Variants in RPTOR observed in about 807,000 individuals in gnomAD.
RPTOR encodes regulatory associated protein of MTOR complex 1.
Under a neutral mutation model 169.9 loss-of-function variants are expected in RPTOR, and 21 were observed. The ratio of observed to expected loss-of-function variants is 0.12; its 90% confidence interval spans 0.09 to 0.18. RPTOR has a LOEUF of 0.18. RPTOR is among the 10% of genes least tolerant of loss of function. The pLI is 1.00. For missense variants in RPTOR, 1,133 were observed against 1,855.9 expected, an observed-to-expected ratio of 0.61 and a Z score of 7.16; for synonymous variants, 732 against 753.2, an observed-to-expected ratio of 0.97 and a Z score of 0.46.
intron 5 of RPTOR, among the ~76,000 whole-genome samples, chr17:80,745,288 T>G (rs945071794): frequency 6.6e-6 from 1 of 152,138 alleles, no homozygotes; most frequent in Admixed American, 6.5e-5. Context: ...ATGCTTCATT[T>G]GGGGGAACTC....
At chr17:80,766,791 T>TA (rs1226402692) in intron 6 of RPTOR, among the ~76,000 whole-genome samples, 1 of 152,090 alleles carries the variant, frequency 6.6e-6, no homozygotes, top group Admixed American at 6.5e-5. Flanking sequence ...AGTTTTTAAT[T>TA]AAAAAACTCT....
rs754331925 is a variant in RPTOR at position 80,646,844 on chromosome 17, G to C, written c.348+3034G>C. ...ATTATTTTCATTAAAGTTTGTCGGA[G>C]TCGTTGCCTCCACGCTGGCATGGAT... On this transcript the variant is annotated intron_variant, in intron 3 of 33. Transcript: ENST00000306801. This position sits in a 1 kb window ranked among gnomAD's most constrained non-coding sequence, Gnocchi z 5.0. Among the ~76,000 whole-genome samples the C allele has an allele frequency of 5.9e-5, 9 of 152,150 alleles. No individual in the cohort carries two copies. Among genetic ancestry groups the C allele is most frequent in the Non-Finnish European group, 1.0e-4 (7 of 68,030 alleles).
rs1208698407 is a variant in RPTOR, at chr17:80,721,672, G to T, written c.508-8888G>T. Among the ~76,000 whole-genome samples, 1 of 151,316 alleles carries T rather than the reference G, an allele frequency of 6.6e-6. No individual in the cohort carries two copies. The highest frequency in any genetic ancestry group is 2.5e-5 in the African/African-American group (1 of 40,622). Reference sequence around the variant, plus strand: ...CAGGGTACTCGGGCTTATTTTGGTAGTCATACACATGAAATGCACTTTGGG... The same window carrying T: ...CAGGGTACTCGGGCTTATTTTGGTATTCATACACATGAAATGCACTTTGGG... On this transcript the variant is annotated intron_variant, in intron 4 of 33. Coordinates refer to ENST00000306801, the MANE Select transcript of RPTOR (RefSeq NM_020761.3). The surrounding 1 kb of genome is among the most constrained non-coding windows in gnomAD (Gnocchi z 4.7).
intron 4 of RPTOR, chr17:80,709,126 G>C (rs1418031688): frequency 1.0e-6 from 1 of 983,572 alleles, no homozygotes; most frequent in Non-Finnish European, 1.2e-6. Context: ...TATCCACCCA[G>C]CTCCTCCCGC....
intron 6 of RPTOR, among the ~76,000 whole-genome samples, chr17:80,779,200 C>G (rs1238031177): frequency 6.6e-6 from 1 of 152,180 alleles, no homozygotes. Flanking sequence ...TGTGTGCGCC[C>G]GTAAGCTGGC....
chr17:80,949,392 G>C, intron 27 of RPTOR, 51 bp from the exon 28 acceptor site: 1 of 1,458,748 alleles, frequency 6.9e-7, no homozygotes, highest in South Asian at 1.1e-5. Flanking sequence ...CAGAGCACAG[G>C]CCAGGCCATC....
intron 25 of RPTOR, among the ~76,000 whole-genome samples, chr17:80,944,939 C>G (rs2069080497): frequency 1.4e-5 from 2 of 145,750 alleles, no homozygotes; most frequent in Admixed American, 7.0e-5. Context: ...GGCAGTGAGC[C>G]AAGATCACAC....
chr17:80,849,099 A>C (rs1162980059), intron 11 of RPTOR, among the ~76,000 whole-genome samples: 2 of 151,846 alleles, frequency 1.3e-5, no homozygotes, highest in Admixed American at 1.3e-4. Flanking sequence ...CATTTGACGT[A>C]CCCCCCGGGA....
chr17:80,829,899 C>T (rs969056519), intron 9 of RPTOR, among the ~76,000 whole-genome samples: 1 of 152,206 alleles, frequency 6.6e-6, no homozygotes, highest in East Asian at 1.9e-4. Context: ...GAATCACTTG[C>T]ATTTTACACA....
At chr17:80,859,080 G>A (rs1330774424) in intron 13 of RPTOR, among the ~76,000 whole-genome samples, 1 of 152,182 alleles carries the variant, frequency 6.6e-6, no homozygotes, top group Non-Finnish European at 1.5e-5. Flanking sequence ...AGGCGACTCG[G>A]GCTGAAGCCT....
chr17:80,691,626 T>C (rs2143742149), intron 3 of RPTOR, among the ~76,000 whole-genome samples: 1 of 152,300 alleles, frequency 6.6e-6, no homozygotes, highest in South Asian at 2.1e-4. Flanking sequence ...TGCTTCATTT[T>C]GATATGGTAT....
At chr17:80,888,280 A>T (rs2068273336) in intron 17 of RPTOR, among the ~76,000 whole-genome samples, 1 of 151,920 alleles carries the variant, frequency 6.6e-6, no homozygotes, top group Non-Finnish European at 1.5e-5. Context: ...ATGCTGGGCT[A>T]ATTTTTGTAT....
At chr17:80,661,345 C>G (rs966157445) in intron 3 of RPTOR, among the ~76,000 whole-genome samples, 1 of 151,906 alleles carries the variant, frequency 6.6e-6, no homozygotes, top group Non-Finnish European at 1.5e-5. Context: ...ATTGCAGAGT[C>G]GGAGCCGGAG....
At chr17:80,781,164 C>G (rs2143455814) in intron 6 of RPTOR, among the ~76,000 whole-genome samples, 1 of 152,294 alleles carries the variant, frequency 6.6e-6, no homozygotes, top group Non-Finnish European at 1.5e-5. Flanking sequence ...TTTCTCAGAT[C>G]CTCCGGTGAC....
rs1242627252 is a variant in RPTOR, at chr17:80,922,748, C to T, written c.2545C>T (p.Arg849Cys). The change falls in exon 22 of 34, where the codon CGC becomes TGC. Residue 849 changes from arginine to cysteine, a missense_variant. Arg to Cys is a radical substitution (Grantham distance 180, BLOSUM62 -3). Around this residue, in one of 9 missense-constraint regions of RPTOR, gnomAD observed 123 missense variants for 129.0 expected, o/e 0.95. Coordinates refer to ENST00000306801, the MANE Select transcript of RPTOR (RefSeq NM_020761.3). ...GGCCACCGTGAACGCCCGGCCGCAGCGCGTCCTGGACACCTCCTCCCTCAC... is the reference window on the plus strand; with the variant it reads ...GGCCACCGTGAACGCCCGGCCGCAGTGCGTCCTGGACACCTCCTCCCTCAC... The part of the protein sequence containing the change: ...YKATVNARPQ[R>C]VLDTSSLTQS... 8 of 1,588,548 alleles carry T rather than the reference C, an allele frequency of 5.0e-6. No homozygotes were observed. The highest frequency in any genetic ancestry group is 1.3e-5 in the African/African-American group (1 of 74,280).
At chr17:80,822,589 G>A (rs528208494) in intron 8 of RPTOR, among the ~76,000 whole-genome samples, 3 of 152,234 alleles carry the variant, frequency 2.0e-5, no homozygotes, top group Admixed American at 6.5e-5. Context: ...CTTCAGAGTC[G>A]TCGGCATTAT....
intron 6 of RPTOR, among the ~76,000 whole-genome samples, chr17:80,767,409 G>T (rs1040751705): frequency 2.6e-5 from 4 of 151,312 alleles, no homozygotes; most frequent in African/African-American, 7.4e-5. Flanking sequence ...GGAGAATAAG[G>T]GAATCATTTT....
intron 1 of RPTOR, among the ~76,000 whole-genome samples, chr17:80,614,011 G>A (rs937215665): frequency 5.9e-5 from 9 of 152,194 alleles, no homozygotes; most frequent in South Asian, 2.1e-4. Context: ...AGGCCTCCCC[G>A]GCGACACTGC....
At chr17:80,670,805 C>G (rs549423282) in intron 3 of RPTOR, among the ~76,000 whole-genome samples, 267 of 152,200 alleles carry the variant, frequency 1.8e-3, no homozygotes, top group Non-Finnish European at 2.8e-3. Flanking sequence ...CCAACTCCCC[C>G]CCACATTCAT....
Sources: gnomAD v4.1 joint callset for allele counts (sites outside exome capture counted in the v4.1 genomes callset) on GRCh38, gnomAD v4.1.1 for gene constraint, gnomAD v4.1.1 regional missense constraint, Gnocchi (gnomAD v3.1) non-coding constraint, MANE v1.5 for transcripts, NCBI Gene and HGNC (gene_info 2026-07-23, HGNC 2026-07-21) for gene names.